Variants in SLC8A1 observed in about 807,000 individuals in gnomAD.
SLC8A1 encodes the protein sodium/calcium exchanger 1.
SLC8A1 carries 18 observed loss-of-function variants against 68.3 expected under a neutral mutation model. The observed-to-expected ratio is 0.26, with a 90% confidence interval of 0.18 to 0.39. The LOEUF is 0.39. Ranked by LOEUF, SLC8A1 falls within the 10% of genes least tolerant of loss-of-function variation. The pLI is 1.00. For synonymous variants in SLC8A1, 475 were observed against 415.5 expected, an observed-to-expected ratio of 1.14 and a Z score of -1.74; for missense variants, 985 against 1,156.7, an observed-to-expected ratio of 0.85 and a Z score of 2.15.
At chr2:40,163,324 T>G (rs1350059654) in intron 5 of SLC8A1, among the ~76,000 whole-genome samples, 1 of 152,182 alleles carries the variant, frequency 6.6e-6, no homozygotes, top group Non-Finnish European at 1.5e-5. Context: ...GGGGAAGGTC[T>G]GAGATCATCC....
intron 4 of SLC8A1, among the ~76,000 whole-genome samples, chr2:40,171,910 C>G (rs1037625802): frequency 6.6e-6 from 1 of 152,216 alleles, no homozygotes; most frequent in Non-Finnish European, 1.5e-5. Flanking sequence ...TCCAAAAGCA[C>G]CTCCAACACT....
chr2:40,412,173 A>G (rs1692346305), intron 2 of SLC8A1, among the ~76,000 whole-genome samples: 1 of 152,130 alleles, frequency 6.6e-6, no homozygotes, highest in Non-Finnish European at 1.5e-5. Context: ...CAGGCTGCTT[A>G]GCGATATGTC....
At position 40,415,633 on chromosome 2, in the gene SLC8A1, C is replaced by G. The variant is rs577051932; in HGVS notation, c.1808+12840G>C. On this transcript the variant is annotated intron_variant, in intron 2 of 7. Transcript: ENST00000406785. Reference sequence around the variant, plus strand: ...AGGTAAAGCAAACAAACGGCAACATCAAATGCAAAGTCTTTCATTTCAAAG... The same window carrying G: ...AGGTAAAGCAAACAAACGGCAACATGAAATGCAAAGTCTTTCATTTCAAAG... 3.3e-5 allele frequency among the ~76,000 whole-genome samples: 5 copies of G among 152,148 alleles called. No homozygotes were observed. In the South Asian group the frequency reaches 1.0e-3, roughly 32 times the overall value.
At chr2:40,164,645 G>A (rs1452299241) in intron 5 of SLC8A1, among the ~76,000 whole-genome samples, 1 of 152,048 alleles carries the variant, frequency 6.6e-6, no homozygotes, top group East Asian at 1.9e-4. Flanking sequence ...CTGGGCCCTG[G>A]TTCGGATGCT....
intron 6 of SLC8A1, among the ~76,000 whole-genome samples, chr2:40,154,125 G>A (rs901602132): frequency 4.6e-5 from 7 of 151,968 alleles, no homozygotes; most frequent in Non-Finnish European, 7.4e-5. Context: ...CACAAGTTAC[G>A]TAACCACTCT....
chr2:40,263,729 C>T (rs1475099927), intron 2 of SLC8A1, among the ~76,000 whole-genome samples: 2 of 151,784 alleles, frequency 1.3e-5, no homozygotes, highest in East Asian at 3.9e-4. Flanking sequence ...GATTAAAGAC[C>T]TAAAACCATA....
chr2:40,337,569 G>A (rs1399425854), intron 2 of SLC8A1, among the ~76,000 whole-genome samples: 1 of 152,052 alleles, frequency 6.6e-6, no homozygotes, highest in East Asian at 1.9e-4. Flanking sequence ...GCACTCAATG[G>A]TATTACTTGG....
At chr2:40,139,101 T>C (rs1055282879) in intron 7 of SLC8A1, among the ~76,000 whole-genome samples, 3 of 152,194 alleles carry the variant, frequency 2.0e-5, no homozygotes, top group Non-Finnish European at 4.4e-5. Flanking sequence ...AAAGTGCTCA[T>C]TGCAATGGGA....
chr2:40,170,044 A>G (rs2047195047), intron 4 of SLC8A1, among the ~76,000 whole-genome samples: 1 of 152,238 alleles, frequency 6.6e-6, no homozygotes, highest in Non-Finnish European at 1.5e-5. Flanking sequence ...CAGGAAAGAG[A>G]GGCCATGGGA....
At chr2:40,349,869 T>C (rs922262329) in intron 2 of SLC8A1, among the ~76,000 whole-genome samples, 1 of 152,080 alleles carries the variant, frequency 6.6e-6, no homozygotes, top group East Asian at 1.9e-4. Context: ...AAAAGAAATA[T>C]GGTATTTATC....
Position 40,489,219 on chromosome 2 carries a change from ATAAT to A in SLC8A1, c.-25+23126_-25+23129del, listed in dbSNP as rs372235640. ...ATCGCTAGCAATTTATAAGAGAAACATAATTAATAATCAAGTCTGTCTGCTCCAT... is the reference window on the plus strand; with the variant it reads ...ATCGCTAGCAATTTATAAGAGAAACATAATAATCAAGTCTGTCTGCTCCAT... On this transcript the variant is annotated intron_variant, in intron 1 of 7. Transcript: ENST00000402441. 3.4e-3 allele frequency among the ~76,000 whole-genome samples: 521 copies of A among 152,292 alleles called. 3 individuals are homozygous for A. Among genetic ancestry groups the A allele is most frequent in the African/African-American group, 0.012 (496 of 41,572 alleles).
chr2:40,409,021 A>G (rs1478328239), intron 2 of SLC8A1, among the ~76,000 whole-genome samples: 1 of 152,216 alleles, frequency 6.6e-6, no homozygotes, highest in Non-Finnish European at 1.5e-5. Context: ...ACAGTAGTCA[A>G]TGATTATATG....
intron 2 of SLC8A1, among the ~76,000 whole-genome samples, chr2:40,324,071 T>C (rs189121501): frequency 3.3e-5 from 5 of 151,854 alleles, no homozygotes; most frequent in Non-Finnish European, 7.4e-5. Flanking sequence ...TAAACCAAGA[T>C]TGTCTCATGA....
At chr2:40,157,068 A>G (rs2044673950) in intron 6 of SLC8A1, among the ~76,000 whole-genome samples, 1 of 152,236 alleles carries the variant, frequency 6.6e-6, no homozygotes, top group Non-Finnish European at 1.5e-5. Context: ...GCATGATACC[A>G]TGAAAGAAAG....
At chr2:40,455,000 C>G (rs551559990), upstream of SLC8A1, among the ~76,000 whole-genome samples, 1 of 152,188 alleles carries the variant, frequency 6.6e-6, no homozygotes, top group African/African-American at 2.4e-5. Flanking sequence ...ATATTGATTG[C>G]CATTCTTTCC....
intron 2 of SLC8A1, among the ~76,000 whole-genome samples, chr2:40,194,151 C>A (rs564945583): frequency 6.6e-6 from 1 of 152,206 alleles, no homozygotes; most frequent in Admixed American, 6.5e-5. Flanking sequence ...ACCATAAATT[C>A]AGATCTGAGC....
At position 40,328,600 on chromosome 2, in the gene SLC8A1, A is replaced by G. The variant is rs75624858; in HGVS notation, c.1808+99873T>C. 4.9e-3 allele frequency among the ~76,000 whole-genome samples: 750 copies of G among 152,192 alleles called. 3 individuals carry two copies. The highest frequency in any genetic ancestry group is 0.017 in the African/African-American group (703 of 41,512). On this transcript the variant is annotated intron_variant, in intron 2 of 7. Transcript: ENST00000406785. ...TTTTGTTCGCATACATACATTTTCC[A>G]CTGCCTCTTACAGCAGTTTAAACTA... is the stretch of plus-strand genomic sequence containing the variant.
chr2:40,477,697 G>A (rs1055584335), intron 1 of SLC8A1, among the ~76,000 whole-genome samples: 1 of 152,070 alleles, frequency 6.6e-6, no homozygotes, highest in African/African-American at 2.4e-5. Context: ...AAATAAAGAT[G>A]AGTGTGTTTT....
chr2:40,227,285 CCTA>C (rs2059102386), intron 2 of SLC8A1, among the ~76,000 whole-genome samples: 1 of 152,026 alleles, frequency 6.6e-6, no homozygotes, highest in Admixed American at 6.6e-5. Context: ...GAATATCTTC[CCTA>C]CTGTTTTTCT....
Sources: allele counts gnomAD v4.1 joint callset (sites outside exome capture counted in the v4.1 genomes callset), GRCh38; gene constraint gnomAD v4.1.1; transcripts MANE v1.5; gene names NCBI Gene and HGNC (gene_info 2026-07-23, HGNC 2026-07-21).